The following HK1 variants were observed in gnomAD, a reference collection of about 807,000 sequenced individuals.
HK1 encodes the protein hexokinase 1, also known as hexokinase-1.
A neutral mutation model predicts 91.6 loss-of-function variants in HK1; 28 were observed. The ratio of observed to expected loss-of-function variants is 0.31; its 90% CI spans 0.23 to 0.42. The LOEUF (loss-of-function observed/expected upper bound fraction) is 0.42. HK1 is among the 10% of genes least tolerant of loss of function. The probability of loss-of-function intolerance (pLI) is 1.00; values close to 1 mark genes in which losing one functional copy is unlikely to be tolerated. For synonymous variants in HK1, 430 were observed against 468.1 expected, an observed-to-expected ratio of 0.92 and a Z score of 1.05; for missense variants, 770 against 1,219.8, an observed-to-expected ratio of 0.63 and a Z score of 5.49.
At chr10:69,283,271 A>C (rs950887433) in intron 2 of HK1, among the ~76,000 whole-genome samples, 1 of 149,304 alleles carries the variant, frequency 6.7e-6, no homozygotes, top group Non-Finnish European at 1.5e-5. Flanking sequence ...AAATAGAGAG[A>C]TCCCATCTCT....
intron 2 of HK1, among the ~76,000 whole-genome samples, chr10:69,350,459 G>A (rs1589524122): frequency 6.6e-6 from 1 of 152,046 alleles, no homozygotes; most frequent in Non-Finnish European, 1.5e-5. Flanking sequence ...TCAAGAGATC[G>A]AGACCATCCT....
At position 69,348,718 on chromosome 10, in the gene HK1, C is replaced by T. The variant is rs548204489; in HGVS notation, c.226+4729C>T. 5.9e-5 allele frequency among the ~76,000 whole-genome samples: 9 copies of T among 151,722 alleles called. No individual in the cohort carries two copies. In the South Asian group the frequency reaches 6.2e-4, roughly 11 times the overall value. The stretch of plus-strand genomic sequence containing the variant: ...CCCAGCTACCTGGGAGGCTGAGGCA[C>T]GAGAATCACTTGAACCTGGGAGGCA... On this transcript the variant is annotated intron_variant, in intron 2 of 17. Coordinates refer to ENST00000359426, the MANE Select transcript of HK1 (RefSeq NM_000188.3).
chr10:69,322,036 C>T (rs1662038944), intron 1 of HK1, among the ~76,000 whole-genome samples: 2 of 152,240 alleles, frequency 1.3e-5, no homozygotes, highest in African/African-American at 4.8e-5. Flanking sequence ...TTTAAACACG[C>T]ATCTCATCTC....
At chr10:69,323,681 G>A (rs894855498) in intron 1 of HK1, among the ~76,000 whole-genome samples, 3 of 152,178 alleles carry the variant, frequency 2.0e-5, no homozygotes, top group Non-Finnish European at 2.9e-5. Context: ...TCTCCCAAGA[G>A]AAGCCCCATC....
intron 3 of HK1, among the ~76,000 whole-genome samples, chr10:69,293,597 T>C (rs189979812): frequency 2.0e-5 from 3 of 152,312 alleles, no homozygotes; most frequent in East Asian, 3.9e-4. Flanking sequence ...GTTGGTAATT[T>C]GGACTGAGCT....
chr10:69,293,887 A>C (rs1234590635), intron 3 of HK1, among the ~76,000 whole-genome samples: 1 of 123,238 alleles, frequency 8.1e-6, no homozygotes, highest in East Asian at 2.5e-4. Context: ...TTTGAGACAG[A>C]GTCTCCCACT....
intron 4 of HK1, among the ~76,000 whole-genome samples, chr10:69,365,763 G>T (rs1283889045): frequency 6.6e-6 from 1 of 152,238 alleles, no homozygotes; most frequent in Non-Finnish European, 1.5e-5. Flanking sequence ...AAGCTTGGGA[G>T]ATCGAGGCTG....
chr10:69,376,152 C>A (rs1183902562), intron 7 of HK1, among the ~76,000 whole-genome samples: 1 of 152,198 alleles, frequency 6.6e-6, no homozygotes, highest in Non-Finnish European at 1.5e-5. Flanking sequence ...AAGCTGTTTA[C>A]CCTTTCTGAG....
rs887044174 is a variant in HK1 at position 69,325,046 on chromosome 10, T to TTTC, written c.63+6038_63+6039insCTT. Among the ~76,000 whole-genome samples, 36 of 88,710 alleles carry TTTC rather than the reference T, an allele frequency of 4.1e-4. 1 individual carries two copies. The highest frequency in any genetic ancestry group is 1.3e-3 in the African/African-American group (34 of 26,716). The allele number at this position is 88,710 out of a possible 152,430, so 58.2% of individuals were successfully genotyped here. A position where few individuals can be genotyped will look rare whatever the true frequency, so the allele number is the denominator to read the frequency against. The stretch of plus-strand genomic sequence containing the variant: ...AATTAATTGTCACAAAAATGTGTAT[T>TTTC]TTTTTTTTTTTTTTTTTTTTTTGAG... On this transcript the variant is annotated intron_variant, in intron 1 of 17. Coordinates refer to ENST00000359426, the MANE Select transcript of HK1 (RefSeq NM_000188.3).
At chr10:69,325,938 G>A (rs377132736) in intron 1 of HK1, among the ~76,000 whole-genome samples, 3 of 151,116 alleles carry the variant, frequency 2.0e-5, no homozygotes, top group Admixed American at 6.6e-5. Context: ...AGGTTCAAGC[G>A]ATTCTTCTGC....
At chr10:69,315,861 C>G, upstream of HK1, 4 of 1,328,794 alleles carry the variant, frequency 3.0e-6, no homozygotes, top group Non-Finnish European at 4.3e-6. Flanking sequence ...AGTCCTGGCT[C>G]AAAACTCTAC....
upstream of HK1, among the ~76,000 whole-genome samples, chr10:69,311,915 G>A (rs553567568): frequency 5.3e-5 from 8 of 152,236 alleles, no homozygotes; most frequent in East Asian, 3.9e-4. Context: ...GATTATAGGC[G>A]TGAGCCACCG....
intron 3 of HK1, among the ~76,000 whole-genome samples, chr10:69,291,207 G>A (rs971036061): frequency 3.9e-5 from 6 of 152,230 alleles, no homozygotes; most frequent in African/African-American, 1.4e-4. Context: ...AGTGTCACAG[G>A]CGCCATGTGG....
intron 1 of HK1, among the ~76,000 whole-genome samples, chr10:69,335,966 GAT>G (rs1440618298): frequency 3.3e-5 from 5 of 152,256 alleles, no homozygotes; most frequent in Admixed American, 1.3e-4. Context: ...AAGTGTTTAT[GAT>G]ATAATTCCAT....
chr10:69,291,084 C>T (rs74138355), intron 3 of HK1, among the ~76,000 whole-genome samples: 3,462 of 152,362 alleles, frequency 0.023, 141 homozygotes, highest in African/African-American at 0.078. Flanking sequence ...GTCATTGCCA[C>T]CTCTCATGGC....
At chr10:69,275,869 C>A (rs763786285) in intron 1 of HK1, among the ~76,000 whole-genome samples, 1 of 151,334 alleles carries the variant, frequency 6.6e-6, no homozygotes, top group African/African-American at 2.4e-5. Flanking sequence ...GCAGGTGGAT[C>A]GCCTGAGGTC....
chr10:69,284,900 T>G (rs1348137349), intron 2 of HK1, among the ~76,000 whole-genome samples: 1 of 152,102 alleles, frequency 6.6e-6, no homozygotes, highest in Non-Finnish European at 1.5e-5. Context: ...CACTGCAAGC[T>G]CTGCCTCCTG....
At chr10:69,289,538 C>G (rs978559094) in intron 3 of HK1, among the ~76,000 whole-genome samples, 1 of 133,084 alleles carries the variant, frequency 7.5e-6, no homozygotes, top group Non-Finnish European at 1.5e-5. Flanking sequence ...ATGGCATGAT[C>G]TCGGCTCACT....
intron 5 of HK1, among the ~76,000 whole-genome samples, chr10:69,309,625 C>T (rs1846268654): frequency 6.7e-6 from 1 of 148,546 alleles, no homozygotes; most frequent in South Asian, 2.1e-4. Context: ...CACGGTGAAA[C>T]CCCATCTCTA....
Sources: allele counts gnomAD v4.1 joint callset (sites outside exome capture counted in the v4.1 genomes callset), GRCh38; gene constraint gnomAD v4.1.1; transcripts MANE v1.5; gene names NCBI Gene and HGNC (gene_info 2026-07-23, HGNC 2026-07-21).